The following SPPL2A variants were observed in gnomAD, a reference collection of about 807,000 sequenced individuals.
SPPL2A encodes signal peptide peptidase like 2A.
Under a neutral mutation model 63.8 loss-of-function variants are expected in SPPL2A, and 51 were observed. That is an observed-to-expected ratio of 0.80 (90% CI 0.64 to 1.01). The LOEUF (loss-of-function observed/expected upper bound fraction) is 1.01. Among genes scored for constraint, SPPL2A ranks in the 50% least tolerant of loss-of-function variants. SPPL2A has a pLI of 0.00. For synonymous variants in SPPL2A, 188 were observed against 205.8 expected (o/e 0.91, Z 0.74); for missense variants, 553 against 622.7 (o/e 0.89, Z 1.19).
At chr15:50,755,317 C>CAAA (rs112405405) in intron 1 of SPPL2A, among the ~76,000 whole-genome samples, 1 of 119,718 alleles carries the variant, frequency 8.4e-6, no homozygotes, top group African/African-American at 2.9e-5. Context: ...GACTCTGTCT[C>CAAA]AAAAAAAAAA....
At chr15:50,761,091 C>T (rs1036345300) in intron 1 of SPPL2A, among the ~76,000 whole-genome samples, 6 of 151,978 alleles carry the variant, frequency 3.9e-5, no homozygotes, top group Admixed American at 2.6e-4. Context: ...CTAACTGCAA[C>T]CTCAAACTCT....
At chr15:50,719,810 C>G in intron 14 of SPPL2A, 130 bp downstream of exon 14, 1 of 525,014 alleles carries the variant, frequency 1.9e-6, no homozygotes, top group South Asian at 3.6e-5. Context: ...AATAGGTGGA[C>G]AGTGAGTAAG....
chr15:50,754,514 C>T (rs2062937858), intron 1 of SPPL2A, among the ~76,000 whole-genome samples: 1 of 152,090 alleles, frequency 6.6e-6, no homozygotes, highest in Non-Finnish European at 1.5e-5. Flanking sequence ...TCGGCTTATA[C>T]ATTTTAAATG....
intron 12 of SPPL2A, among the ~76,000 whole-genome samples, chr15:50,724,404 G>C (rs373352916): frequency 5.9e-5 from 9 of 152,114 alleles, no homozygotes; most frequent in East Asian, 3.9e-4. Context: ...GTGAAACCCA[G>C]TCTTTACTAA....
intron 1 of SPPL2A, among the ~76,000 whole-genome samples, chr15:50,755,911 C>T (rs970412423): frequency 2.0e-5 from 3 of 151,976 alleles, no homozygotes; most frequent in Admixed American, 6.6e-5. Flanking sequence ...TCAGCCACCA[C>T]GCTTGGCCTG....
At chr15:50,712,409 G>C (rs976972452) in intron 14 of SPPL2A, among the ~76,000 whole-genome samples, 2 of 152,138 alleles carry the variant, frequency 1.3e-5, no homozygotes, top group Non-Finnish European at 2.9e-5. Context: ...TGGAGGTTGG[G>C]AGAGAGAAGC....
chr15:50,752,504 G>A (rs1567166021), intron 1 of SPPL2A, among the ~76,000 whole-genome samples: 1 of 152,058 alleles, frequency 6.6e-6, no homozygotes, highest in Non-Finnish European at 1.5e-5. Flanking sequence ...GACCACCTGA[G>A]GTCAGGAGTT....
chr15:50,760,305 G>A (rs2062998705), intron 1 of SPPL2A, among the ~76,000 whole-genome samples: 1 of 151,926 alleles, frequency 6.6e-6, no homozygotes, highest in Non-Finnish European at 1.5e-5. Context: ...CTGTCGCCCA[G>A]GCTGGAGTGC....
At chr15:50,763,624 C>T (rs12905672) in intron 1 of SPPL2A, among the ~76,000 whole-genome samples, 13,461 of 152,198 alleles carry the variant, frequency 0.088, 730 homozygotes, top group South Asian at 0.15. Flanking sequence ...AATCGCCGGG[C>T]ATGGTGGCTC....
chr15:50,760,024 C>T (rs2062995646), intron 1 of SPPL2A, among the ~76,000 whole-genome samples: 1 of 152,038 alleles, frequency 6.6e-6, no homozygotes, highest in Non-Finnish European at 1.5e-5. Context: ...TTGTGAAGAA[C>T]CTGAAAGTTA....
rs2062483352 is a variant in SPPL2A at position 50,702,431 on chromosome 15, TA to T, written c.*5368del. 6.6e-6 allele frequency: 1 copy of T among 152,284 alleles called. No individual in the cohort carries two copies. Among genetic ancestry groups the T allele is most frequent in the East Asian group, 1.9e-4 (1 of 5,186 alleles). The allele number at this position is 152,284 out of a possible 1,614,324, so 9.4% of individuals were successfully genotyped here. A position where few individuals can be genotyped will look rare whatever the true frequency, so the allele number is the denominator to read the frequency against. On this transcript the variant is annotated 3_prime_UTR_variant, in exon 15 of 15. Coordinates refer to ENST00000261854, the MANE Select transcript of SPPL2A (RefSeq NM_032802.4). The stretch of plus-strand genomic sequence containing the variant: ...AAAAATATAAAGCCTAGTAGTGTTA[TA>T]AAAGTATTAATTTACACTAACTTAC...
chr15:50,720,965 A>C (rs1176579693), intron 13 of SPPL2A, among the ~76,000 whole-genome samples: 1 of 152,176 alleles, frequency 6.6e-6, no homozygotes, highest in Non-Finnish European at 1.5e-5. Context: ...ACACAGGAGA[A>C]TTAATGAACA....
chr15:50,762,189 G>A (rs774124455), intron 1 of SPPL2A, among the ~76,000 whole-genome samples: 10 of 151,914 alleles, frequency 6.6e-5, no homozygotes, highest in Non-Finnish European at 1.3e-4. Flanking sequence ...GCAACATGGT[G>A]AAACCCCATC....
intron 12 of SPPL2A, 148 bp from the exon 13 acceptor site, chr15:50,722,349 T>C: frequency 3.6e-6 from 2 of 548,062 alleles, no homozygotes; most frequent in South Asian, 5.2e-5. Flanking sequence ...CAAAATTTTA[T>C]ATGCTGATTT....
chr15:50,759,732 G>T (rs1239246426), intron 1 of SPPL2A, among the ~76,000 whole-genome samples: 1 of 149,982 alleles, frequency 6.7e-6, no homozygotes, highest in Non-Finnish European at 1.5e-5. Flanking sequence ...GACAGAACGA[G>T]ACTCTGTCTC....
Position 50,726,306 on chromosome 15 carries a change from C to T in SPPL2A, c.1146+15G>A. 2 of 1,612,252 alleles carry T rather than the reference C, an allele frequency of 1.2e-6. No homozygotes were observed. Among genetic ancestry groups the T allele is most frequent in the South Asian group, 1.1e-5 (1 of 91,034 alleles). On this transcript the variant is annotated intron_variant, in intron 11 of 14. Transcript: ENST00000261854. ...ATACACTGGATAGCCATTTCTATTT[C>T]ATTGCCATCCCTACCTTTTCATTAT...
Position 50,732,650 on chromosome 15 carries a change from C to A in SPPL2A, c.967G>T (p.Ala323Ser), listed in dbSNP as rs2062739952. ...GTTTTAATTAAATTCAGACAGAAAG[C>A]AATCCCCAAGATATCCTGTAAAATC... ...AWILQDILGI[A>S]FCLNLIKTLK... The change falls in exon 9 of 15, where the codon GCT becomes TCT. Residue 323 changes from alanine (A) to serine (S), a missense_variant. Coordinates refer to ENST00000261854, the MANE Select transcript of SPPL2A (RefSeq NM_032802.4). 1 of 1,610,988 alleles carries A rather than the reference C, an allele frequency of 6.2e-7. No homozygotes were observed. The highest frequency in any genetic ancestry group is 1.7e-5 in the Admixed American group (1 of 59,904).
In SPPL2A at chr15:50,747,247, A is replaced by AT. The variant is rs1419694820; in HGVS notation, c.584+247dup. ...CCTTTCCTGGGAGACAGAATTAAAC[A>AT]TTTTAACTTAAAAGGGTCTCTGATG... On this transcript the variant is annotated intron_variant, in intron 5 of 14. Coordinates refer to ENST00000261854, the MANE Select transcript of SPPL2A (RefSeq NM_032802.4). Among the ~76,000 whole-genome samples, 6 of 152,268 alleles carry AT rather than the reference A, an allele frequency of 3.9e-5. No individual in the cohort carries two copies. In the East Asian group the frequency reaches 1.2e-3, roughly 29 times the overall value.
chr15:50,711,383 G>A (rs1401872826), intron 14 of SPPL2A, among the ~76,000 whole-genome samples: 1 of 151,636 alleles, frequency 6.6e-6, no homozygotes, highest in Non-Finnish European at 1.5e-5. Context: ...ATAATTTTTT[G>A]TATTTTTAGT....
Sources: gnomAD v4.1 joint callset for allele counts (sites outside exome capture counted in the v4.1 genomes callset) on GRCh38, gnomAD v4.1.1 for gene constraint, MANE v1.5 for transcripts, NCBI Gene and HGNC (gene_info 2026-07-23, HGNC 2026-07-21) for gene names.